RFTN1: variants seen among roughly 807,000 people sequenced by gnomAD.
The protein encoded by RFTN1 is raftlin.
In RFTN1, 26 loss-of-function variants were observed where a neutral mutation model predicts 46.5. The ratio of observed to expected loss-of-function variants is 0.56; its 90% CI spans 0.41 to 0.78. RFTN1 has a LOEUF of 0.78. Ranked by LOEUF, RFTN1 falls within the 30% of genes least tolerant of loss-of-function variation. The pLI, the probability that RFTN1 is intolerant of heterozygous loss-of-function variation, is 0.00. For missense variants in RFTN1, 693 were observed against 718.7 expected (o/e 0.96, Z 0.41); for synonymous variants, 261 against 284.2 (o/e 0.92, Z 0.82).
chr3:16,457,824 C>T lies in RFTN1; in HGVS notation c.146-23787G>A, dbSNP rs534586263. Among the ~76,000 whole-genome samples the T allele has an allele frequency of 5.9e-5, 9 of 152,242 alleles. No homozygotes were observed. The South Asian group carries it at 8.3e-4, about 14-fold the overall frequency. ...TATGTGTTGGAAACTTAATCCTCAA[C>T]GCAGCAGTGAAGGGAGGTGAGTCCT... On this transcript the variant is annotated intron_variant, in intron 2 of 9. Transcript: ENST00000334133. The surrounding 1 kb of genome is among the most constrained non-coding windows in gnomAD (Gnocchi z 4.2).
In RFTN1 at chr3:16,494,133, G is replaced by A. The variant is rs1559375283; in HGVS notation, c.-8-256C>T. 2.0e-5 allele frequency among the ~76,000 whole-genome samples: 3 copies of A among 152,144 alleles called. No homozygotes were observed. The East Asian group carries it at 5.8e-4, about 29-fold the overall frequency. Reference sequence around the variant, plus strand: ...TTTAAATGACACCAAAAGCATACCTGTTTTATATCTTTTTTCCCCATCTGA... The same window carrying A: ...TTTAAATGACACCAAAAGCATACCTATTTTATATCTTTTTTCCCCATCTGA... On this transcript the variant is annotated intron_variant, in intron 1 of 9. Transcript: ENST00000334133.
chr3:16,445,427 GTCTC>G (rs1358460926), intron 2 of RFTN1, among the ~76,000 whole-genome samples: 8 of 144,678 alleles, frequency 5.5e-5, no homozygotes, highest in African/African-American at 1.8e-4. Flanking sequence ...CCCCCACTCT[GTCTC>G]TCTCTCTGTC....
rs978885241 is a variant in RFTN1, at chr3:16,335,734, A to G, written c.1147-8858T>C. 2.3e-4 allele frequency among the ~76,000 whole-genome samples: 35 copies of G among 151,248 alleles called. No homozygotes were observed. The highest frequency in any genetic ancestry group is 8.3e-4 in the African/African-American group (34 of 41,130). ...CAACACACATGGCACACGTTTACCT[A>G]TGTAACAAGCCTGCATATCCTGCAC... On this transcript the variant is annotated intron_variant, in intron 7 of 9. Coordinates refer to ENST00000334133, the MANE Select transcript of RFTN1 (RefSeq NM_015150.2). This position sits in a 1 kb window ranked among gnomAD's most constrained non-coding sequence, Gnocchi z 4.7.
chr3:16,407,399 C>G lies in RFTN1; in HGVS notation c.441+1976G>C, dbSNP rs957089258. Among the ~76,000 whole-genome samples the G allele has an allele frequency of 3.3e-5, 5 of 151,688 alleles. No individual in the cohort carries two copies. The highest frequency in any genetic ancestry group is 5.9e-5 in the Non-Finnish European group (4 of 67,962). On this transcript the variant is annotated intron_variant, in intron 4 of 9. Transcript: ENST00000334133. This position sits in a 1 kb window ranked among gnomAD's most constrained non-coding sequence, Gnocchi z 4.0. ...CAGAGATGGAGGTCTCACTATGTTG[C>G]CCAGTCTAATCTCAAACTCCTGAGC...
rs2075842210 is a variant in RFTN1, at chr3:16,452,825, T to C, written c.146-18788A>G. 6.6e-6 allele frequency among the ~76,000 whole-genome samples: 1 copy of C among 152,224 alleles called. No individual in the cohort carries two copies. Among genetic ancestry groups the C allele is most frequent in the African/African-American group, 2.4e-5 (1 of 41,450 alleles). ...TATGTGACAATATCACAAGCCGTTC[T>C]TCCCTATCAAGTTCTTTTGCACTTA... On this transcript the variant is annotated intron_variant, in intron 2 of 9. Transcript: ENST00000334133. This position sits in a 1 kb window ranked among gnomAD's most constrained non-coding sequence, Gnocchi z 6.3.
At chr3:16,491,950 T>C (rs1163907990) in intron 2 of RFTN1, among the ~76,000 whole-genome samples, 2 of 152,102 alleles carry the variant, frequency 1.3e-5, no homozygotes, top group African/African-American at 4.8e-5. Flanking sequence ...AAAAATTCAC[T>C]GAACAAAAAA....
chr3:16,397,069 G>GAAA (rs11290510), intron 4 of RFTN1, among the ~76,000 whole-genome samples: 9 of 117,124 alleles, frequency 7.7e-5, no homozygotes, highest in African/African-American at 9.3e-5. Flanking sequence ...GTCTCAAAAT[G>GAAA]AAAAAAAAAA....
Position 16,402,628 on chromosome 3 carries a change from G to A in RFTN1, c.441+6747C>T, listed in dbSNP as rs988781767. ...TGAATACTCAACAATCAGCCAGAAA[G>A]TAAATGATGAGTCATTTACATAACA... On this transcript the variant is annotated intron_variant, in intron 4 of 9. Transcript: ENST00000334133. The surrounding 1 kb of genome is among the most constrained non-coding windows in gnomAD (Gnocchi z 4.5). Among the ~76,000 whole-genome samples, 7 of 152,136 alleles carry A rather than the reference G, an allele frequency of 4.6e-5. No homozygotes were observed. Among genetic ancestry groups the A allele is most frequent in the Admixed American group, 2.6e-4 (4 of 15,276 alleles).
In RFTN1 at chr3:16,351,212, G is replaced by T. The variant is rs1559849156; in HGVS notation, c.1146+6720C>A. Among the ~76,000 whole-genome samples, 1 of 152,198 alleles carries T rather than the reference G, an allele frequency of 6.6e-6. No homozygotes were observed. Among genetic ancestry groups the T allele is most frequent in the Non-Finnish European group, 1.5e-5 (1 of 68,044 alleles). ...ACCTGAATCCACTGCAGAATGGTTT[G>T]GGTTAGTGTCAGGCACTGGTGGAGA... On this transcript the variant is annotated intron_variant, in intron 7 of 9. Coordinates refer to ENST00000334133, the MANE Select transcript of RFTN1 (RefSeq NM_015150.2). This position sits in a 1 kb window ranked among gnomAD's most constrained non-coding sequence, Gnocchi z 5.4.
In RFTN1 at chr3:16,334,745, C is replaced by A. The variant is rs150666613; in HGVS notation, c.1147-7869G>T. On this transcript the variant is annotated intron_variant, in intron 7 of 9. Coordinates refer to ENST00000334133, the MANE Select transcript of RFTN1 (RefSeq NM_015150.2). The surrounding 1 kb of genome is among the most constrained non-coding windows in gnomAD (Gnocchi z 4.3). ...GCCCCAAAGATGTCTACAGCCTAAT[C>A]CCAGGAGCCTGTGAAAATGTTCCCT... Among the ~76,000 whole-genome samples the A allele has an allele frequency of 7.3e-3, 1,113 of 152,300 alleles. 16 individuals carry two copies. Among genetic ancestry groups the A allele is most frequent in the African/African-American group, 0.025 (1,039 of 41,560 alleles).
At position 16,484,437 on chromosome 3, in the gene RFTN1, G is replaced by A. The variant is rs2076416312; in HGVS notation, c.145+9288C>T. The stretch of plus-strand genomic sequence containing the variant: ...GTTTAAGGCTAGAATGCTGGTGGCC[G>A]AAAGCCAAGTATGAGCCTGGTCAGC... On this transcript the variant is annotated intron_variant, in intron 2 of 9. Coordinates refer to ENST00000334133, the MANE Select transcript of RFTN1 (RefSeq NM_015150.2). This position sits in a 1 kb window ranked among gnomAD's most constrained non-coding sequence, Gnocchi z 4.6. 6.6e-6 allele frequency among the ~76,000 whole-genome samples: 1 copy of A among 152,178 alleles called. No homozygotes were observed. The highest frequency in any genetic ancestry group is 1.5e-5 in the Non-Finnish European group (1 of 68,038).
intron 2 of RFTN1, among the ~76,000 whole-genome samples, chr3:16,441,223 G>A (rs1210986557): frequency 6.9e-6 from 1 of 144,714 alleles, no homozygotes; most frequent in African/African-American, 2.6e-5. Flanking sequence ...GAGTCCAAAC[G>A]TCTTTTGAAA....
At chr3:16,339,549 G>C (rs984821965) in intron 7 of RFTN1, 3 of 152,106 alleles carry the variant, frequency 2.0e-5, no homozygotes, top group Admixed American at 2.0e-4. Context: ...GCGCTGCCGG[G>C]TCCCCATCAG....
At chr3:16,350,492 CTTTTTT>C (rs11324617) in intron 7 of RFTN1, among the ~76,000 whole-genome samples, 1 of 146,562 alleles carries the variant, frequency 6.8e-6, no homozygotes, top group African/African-American at 2.5e-5. Context: ...AGATGAATCA[CTTTTTT>C]TTTTTTTTTA....
rs1479585890 is a variant in RFTN1 at position 16,435,923 on chromosome 3, T to C, written c.146-1886A>G. On this transcript the variant is annotated intron_variant, in intron 2 of 9. Transcript: ENST00000334133. ...ATAAAAAATCAGAGATGTAAATATA[T>C]ATATATATATATATATATATATCAC... 4.8e-5 allele frequency among the ~76,000 whole-genome samples: 6 copies of C among 123,902 alleles called. No individual in the cohort carries two copies. In the East Asian group the frequency reaches 1.3e-3, roughly 26 times the overall value. The allele number at this position is 123,902 out of a possible 152,430, so 81.3% of individuals were successfully genotyped here. A position where few individuals can be genotyped will look rare whatever the true frequency, so the allele number is the denominator to read the frequency against.
chr3:16,505,521 C>T (rs1397422857), intron 1 of RFTN1, among the ~76,000 whole-genome samples: 1 of 152,148 alleles, frequency 6.6e-6, no homozygotes, highest in Non-Finnish European at 1.5e-5. Flanking sequence ...GGGGGGCTGA[C>T]AAGTTTAAAA....
In RFTN1 at chr3:16,447,455, A is replaced by G. The variant is rs2124896341; in HGVS notation, c.146-13418T>C. Among the ~76,000 whole-genome samples, 1 of 152,334 alleles carries G rather than the reference A, an allele frequency of 6.6e-6. No homozygotes were observed. On this transcript the variant is annotated intron_variant, in intron 2 of 9. Transcript: ENST00000334133. The surrounding 1 kb of genome is among the most constrained non-coding windows in gnomAD (Gnocchi z 5.9). ...TAACCAATTTGCATGCAAAATCGAC[A>G]TCAGCACTCTCTGGTCTATTTTTTG...
rs948709485 is a variant in RFTN1, at chr3:16,407,590, T to A, written c.441+1785A>T. 3.9e-5 allele frequency among the ~76,000 whole-genome samples: 6 copies of A among 152,202 alleles called. No homozygotes were observed. The highest frequency in any genetic ancestry group is 6.5e-5 in the Admixed American group (1 of 15,280). On this transcript the variant is annotated intron_variant, in intron 4 of 9. Coordinates refer to ENST00000334133, the MANE Select transcript of RFTN1 (RefSeq NM_015150.2). This position sits in a 1 kb window ranked among gnomAD's most constrained non-coding sequence, Gnocchi z 4.0. ...CTCAAATATTCCAAGCATCTGAGTC[T>A]TAATTACAAAACCATTTCTAAAATG... is the stretch of plus-strand genomic sequence containing the variant.
chr3:16,358,876 C>CA (rs769970255), intron 6 of RFTN1, among the ~76,000 whole-genome samples: 1 of 151,568 alleles, frequency 6.6e-6, no homozygotes, highest in East Asian at 1.9e-4. Context: ...TACTAAAATA[C>CA]AAAAAATTAG....
Sources: allele counts gnomAD v4.1 joint callset (sites outside exome capture counted in the v4.1 genomes callset), GRCh38; gene constraint gnomAD v4.1.1; non-coding constraint Gnocchi (gnomAD v3.1); transcripts MANE v1.5; gene names NCBI Gene and HGNC (gene_info 2026-07-23, HGNC 2026-07-21).